Variants in ADTRP observed in about 807,000 individuals in gnomAD.
ADTRP encodes the protein androgen-dependent TFPI-regulating protein.
A neutral mutation model predicts 27.0 loss-of-function variants in ADTRP; 20 were observed. The observed-to-expected ratio is 0.74, with a 90% CI of 0.52 to 1.08. ADTRP has a LOEUF of 1.08. Among genes scored for constraint, ADTRP ranks in the 50% least tolerant of loss-of-function variants. ADTRP has a pLI of 0.00. For missense variants in ADTRP, 251 were observed against 275.0 expected, an observed-to-expected ratio of 0.91 and a Z score of 0.62; for synonymous variants, 101 against 105.2, an observed-to-expected ratio of 0.96 and a Z score of 0.25.
chr6:11,733,560 T>C (rs748446823), intron 4 of ADTRP, among the ~76,000 whole-genome samples: 7 of 152,230 alleles, frequency 4.6e-5, no homozygotes, highest in Non-Finnish European at 1.0e-4. Context: ...TCTCTCTGTG[T>C]GCCCATAGCA....
chr6:11,759,116 A>G (rs1763321302), intron 3 of ADTRP, among the ~76,000 whole-genome samples: 1 of 152,174 alleles, frequency 6.6e-6, no homozygotes, highest in Admixed American at 6.5e-5. Context: ...ACATTTGCAA[A>G]GGGAGGCCTA....
chr6:11,771,496 G>A (rs1028427869), intron 1 of ADTRP, among the ~76,000 whole-genome samples: 1 of 152,230 alleles, frequency 6.6e-6, no homozygotes, highest in Non-Finnish European at 1.5e-5. Context: ...CTTCCAGGAG[G>A]GCAGCAGGGA....
chr6:11,769,589 A>G (rs1041169871), intron 1 of ADTRP, among the ~76,000 whole-genome samples: 13 of 152,296 alleles, frequency 8.5e-5, no homozygotes, highest in African/African-American at 2.6e-4. Context: ...AGAGCTTGTT[A>G]AAGATTGTTT....
At chr6:11,766,225 T>C (rs777060995) in intron 3 of ADTRP, 49 bp downstream of exon 3, 1 of 1,418,076 alleles carries the variant, frequency 7.1e-7, no homozygotes, top group South Asian at 1.2e-5. Flanking sequence ...GAGTTTTCAG[T>C]ACAGAGGCTA....
Position 11,714,407 on chromosome 6 carries a change from A to AC in ADTRP, c.*70_*71insG. The AC allele has an allele frequency of 1.1e-6, 1 of 883,554 alleles. No individual in the cohort carries two copies. The highest frequency in any genetic ancestry group is 4.8e-5 in the African/African-American group (1 of 20,708). The allele number at this position is 883,554 out of a possible 1,614,324, so 54.7% of individuals were successfully genotyped here. Reference sequence around the variant, plus strand: ...TTCCTCCACCACCTCCCTCCACCAGAAAAAAAAAAAAAAGATGAGAAAAAT... The same window carrying AC: ...TTCCTCCACCACCTCCCTCCACCAGACAAAAAAAAAAAAAGATGAGAAAAAT... On this transcript the variant is annotated 3_prime_UTR_variant, in exon 6 of 6. Transcript: ENST00000414691.
intron 3 of ADTRP, among the ~76,000 whole-genome samples, chr6:11,754,506 G>A (rs1307170889): frequency 7.2e-5 from 11 of 152,162 alleles, no homozygotes; most frequent in African/African-American, 9.7e-5. Context: ...AAGGATCCAC[G>A]TGACGGACGT....
intron 1 of ADTRP, among the ~76,000 whole-genome samples, chr6:11,775,437 C>T (rs1763920825): frequency 6.6e-6 from 1 of 151,922 alleles, no homozygotes; most frequent in African/African-American, 2.4e-5. Flanking sequence ...AGTGCCTAGC[C>T]CAGGGTCTCG....
At chr6:11,768,531 C>G (rs1763648092) in intron 1 of ADTRP, 148 bp from the exon 2 acceptor site, 1 of 1,064,560 alleles carries the variant, frequency 9.4e-7, no homozygotes, top group South Asian at 1.6e-5. Flanking sequence ...AATTCAAGGG[C>G]TGGGCTTCCA....
chr6:11,721,609 T>C (rs1212513084), intron 5 of ADTRP, among the ~76,000 whole-genome samples: 1 of 152,222 alleles, frequency 6.6e-6, no homozygotes, highest in African/African-American at 2.4e-5. Context: ...TTTTACCCTT[T>C]CTCTTCTTTA....
chr6:11,729,907 C>T (rs1357117682), intron 4 of ADTRP, among the ~76,000 whole-genome samples: 2 of 152,110 alleles, frequency 1.3e-5, no homozygotes, highest in East Asian at 3.8e-4. Flanking sequence ...TAGAATTATC[C>T]TAATTTTTCC....
intron 3 of ADTRP, among the ~76,000 whole-genome samples, chr6:11,752,754 T>C (rs1763097850): frequency 6.6e-6 from 1 of 152,186 alleles, no homozygotes; most frequent in Non-Finnish European, 1.5e-5. Context: ...ATTCTCTTCC[T>C]CCACACCTCA....
intron 1 of ADTRP, among the ~76,000 whole-genome samples, chr6:11,775,600 C>T (rs1763929382): frequency 6.6e-6 from 1 of 152,084 alleles, no homozygotes; most frequent in Non-Finnish European, 1.5e-5. Context: ...TCTGTCCTCT[C>T]CTACCTTCAC....
intron 5 of ADTRP, among the ~76,000 whole-genome samples, chr6:11,721,695 G>A (rs1163031520): frequency 5.9e-5 from 9 of 152,138 alleles, no homozygotes; most frequent in Non-Finnish European, 1.2e-4. Flanking sequence ...TTGAAAACTT[G>A]CATGTACATG....
intron 3 of ADTRP, among the ~76,000 whole-genome samples, chr6:11,741,214 G>A (rs916042724): frequency 6.6e-6 from 1 of 152,198 alleles, no homozygotes; most frequent in African/African-American, 2.4e-5. Flanking sequence ...GCAAGGAGTA[G>A]TCATGTTTGC....
chr6:11,742,388 C>G (rs1318622722), intron 3 of ADTRP, among the ~76,000 whole-genome samples: 1 of 152,050 alleles, frequency 6.6e-6, no homozygotes, highest in Non-Finnish European at 1.5e-5. Context: ...TAAAAAAGCC[C>G]ATTTATTAAC....
At chr6:11,715,367 ACTT>A (rs1301966553) in intron 5 of ADTRP, among the ~76,000 whole-genome samples, 1 of 151,976 alleles carries the variant, frequency 6.6e-6, no homozygotes, top group Non-Finnish European at 1.5e-5. Flanking sequence ...CTGGAACTCC[ACTT>A]CTTAGAGGCT....
chr6:11,739,601 T>C (rs1762655937), intron 3 of ADTRP, among the ~76,000 whole-genome samples: 1 of 152,178 alleles, frequency 6.6e-6, no homozygotes, highest in African/African-American at 2.4e-5. Context: ...TACTAAGATT[T>C]ACCAGCCCAT....
chr6:11,756,897 C>A (rs1763230286), intron 3 of ADTRP, among the ~76,000 whole-genome samples: 1 of 152,152 alleles, frequency 6.6e-6, no homozygotes, highest in Non-Finnish European at 1.5e-5. Context: ...GGCATTTCAG[C>A]TCTATGATTC....
chr6:11,751,290 A>C (rs1170369449), intron 3 of ADTRP, among the ~76,000 whole-genome samples: 1 of 152,194 alleles, frequency 6.6e-6, no homozygotes, highest in Non-Finnish European at 1.5e-5. Context: ...TCCCACATGA[A>C]TCTAATCTAC....
Sources: allele counts gnomAD v4.1 joint callset (sites outside exome capture counted in the v4.1 genomes callset), GRCh38; gene constraint gnomAD v4.1.1; transcripts MANE v1.5; gene names NCBI Gene and HGNC (gene_info 2026-07-23, HGNC 2026-07-21).